Variants in RAB33B observed in about 807,000 individuals in gnomAD.
The protein encoded by RAB33B is RAB33B, member RAS oncogene family.
In RAB33B, 6 loss-of-function variants were observed where a neutral mutation model predicts 15.0. The observed-to-expected ratio is 0.40, with a 90% CI of 0.22 to 0.79. The LOEUF is 0.79. Ranked by LOEUF, RAB33B falls within the 30% of genes least tolerant of loss-of-function variation. The probability of loss-of-function intolerance (pLI) is 0.37; values close to 1 mark genes in which losing one functional copy is unlikely to be tolerated. For missense variants in RAB33B, 257 were observed against 296.4 expected (o/e 0.87, Z 0.98); for synonymous variants, 117 against 108.3 (o/e 1.08, Z -0.50).
chr4:139,446,926 TTGA>T, the RAB33B span, among the ~76,000 whole-genome samples: 2 of 152,198 alleles, frequency 1.3e-5, no homozygotes, highest in South Asian at 4.1e-4. Flanking sequence ...CGATGGCATG[TTGA>T]TGATATTGGA....
rs763510197 is a variant in RAB33B at position 139,472,898 on chromosome 4, T to G, written c.462T>G (p.Ser154Arg). The change falls in exon 2 of 2, where the codon AGT becomes AGG. Residue 154 changes from serine to arginine, a missense_variant. Ser to Arg is a moderately radical substitution (Grantham distance 110). Transcript: ENST00000305626. The part of the protein sequence containing the change: ...ILVGNKCDLR[S>R]AIQVPTDLAQ... The stretch of plus-strand genomic sequence containing the variant: ...TTGGAAATAAATGTGACTTGAGAAG[T>G]GCCATACAGGTACCCACAGACTTGG... The G allele has an allele frequency of 6.2e-7, 1 of 1,614,168 alleles. No homozygotes were observed. The highest frequency in any genetic ancestry group is 1.1e-5 in the South Asian group (1 of 91,086).
At chr4:139,450,402 C>T (rs1490861157), upstream of RAB33B, 1 of 152,200 alleles carries the variant, frequency 6.6e-6, no homozygotes, top group Non-Finnish European at 1.5e-5. Flanking sequence ...AGAAGTAATT[C>T]CCACTATCAA....
At chr4:139,469,568 G>A (rs1421006752) in intron 1 of RAB33B, among the ~76,000 whole-genome samples, 1 of 152,206 alleles carries the variant, frequency 6.6e-6, no homozygotes, top group African/African-American at 2.4e-5. Flanking sequence ...ATATTCTTCT[G>A]TGTATGGACA....
chr4:139,455,586 T>C (rs1266072664), intron 1 of RAB33B, among the ~76,000 whole-genome samples: 1 of 152,220 alleles, frequency 6.6e-6, no homozygotes, highest in Non-Finnish European at 1.5e-5. Context: ...TGCTTCTGTC[T>C]TTTAATTTTT....
Position 139,473,186 on chromosome 4 carries a change from G to C in RAB33B, c.*60G>C. The C allele has an allele frequency of 7.3e-7, 1 of 1,378,974 alleles. No homozygotes were observed. The highest frequency in any genetic ancestry group is 1.5e-5 in the South Asian group (1 of 68,634). 85.4% of individuals were successfully genotyped at this position (1,378,974 alleles called of 1,614,324 possible). A position where few individuals can be genotyped will look rare whatever the true frequency, so the allele number is the denominator to read the frequency against. ...AAAGAAATACTTTTGAAGTATGACA[G>C]TATTAAGTCATAAGATTTAATCTCA... On this transcript the variant is annotated 3_prime_UTR_variant, in exon 2 of 2. Transcript: ENST00000305626.
chr4:139,461,181 T>C (rs116602726), intron 1 of RAB33B, among the ~76,000 whole-genome samples: 1,578 of 152,320 alleles, frequency 0.01, 34 homozygotes, highest in African/African-American at 0.036. Context: ...ACTATGGTAG[T>C]GACAGGGAGT....
rs1027719387 is a variant in RAB33B at position 139,475,954 on chromosome 4, T to C, written c.*2828T>C. The C allele has an allele frequency of 6.6e-6, 1 of 152,078 alleles. No homozygotes were observed. Among genetic ancestry groups the C allele is most frequent in the African/African-American group, 2.4e-5 (1 of 41,396 alleles). The allele number at this position is 152,078 out of a possible 1,614,324, so 9.4% of individuals were successfully genotyped here. On this transcript the variant is annotated 3_prime_UTR_variant, in exon 2 of 2. Transcript: ENST00000305626. Reference sequence around the variant, plus strand: ...TTCTTTGTTTGGTTACTGGGTAGAGTATAAAATAAAACAATCTTTTTTTCC... The same window carrying C: ...TTCTTTGTTTGGTTACTGGGTAGAGCATAAAATAAAACAATCTTTTTTTCC...
intron 1 of RAB33B, among the ~76,000 whole-genome samples, chr4:139,462,006 A>G (rs1331031186): frequency 6.6e-6 from 1 of 151,426 alleles, no homozygotes; most frequent in Non-Finnish European, 1.5e-5. Context: ...ATGGCAACCT[A>G]GCTACTGCTA....
the RAB33B span, among the ~76,000 whole-genome samples, chr4:139,440,933 T>C: frequency 6.6e-6 from 1 of 152,186 alleles, no homozygotes; most frequent in Non-Finnish European, 1.5e-5. Context: ...TTTTTGGTCT[T>C]AAAACAACAT....
chr4:139,467,308 C>CTTTTTTTT (rs70943422), intron 1 of RAB33B, among the ~76,000 whole-genome samples: 10 of 17,620 alleles, frequency 5.7e-4, no homozygotes, highest in African/African-American at 1.1e-3. Flanking sequence ...CCCCCCGCCG[C>CTTTTTTTT]TTTTTTTTTT....
Position 139,472,704 on chromosome 4 carries a change from G to A in RAB33B, c.268G>A (p.Ala90Thr), listed in dbSNP as rs1240788335. 6.2e-7 allele frequency: 1 copy of A among 1,603,548 alleles called. No homozygotes were observed. Among genetic ancestry groups the A allele is most frequent in the Non-Finnish European group, 8.5e-7 (1 of 1,171,410 alleles). The change falls in exon 2 of 2, where the codon GCA (alanine) becomes ACA (threonine). Residue 90 changes from alanine to threonine, a missense_variant. Coordinates refer to ENST00000305626, the MANE Select transcript of RAB33B (RefSeq NM_031296.3). Reference protein sequence around the residue: ...ERIKIQLWDTAGQERFRKSMV... With the variant: ...ERIKIQLWDTTGQERFRKSMV... Reference sequence around the variant, plus strand: ...TTTTTAGATCCAGCTATGGGACACAGCAGGACAAGAACGATTCAGAAAGAG... The same window carrying A: ...TTTTTAGATCCAGCTATGGGACACAACAGGACAAGAACGATTCAGAAAGAG...
intron 1 of RAB33B, among the ~76,000 whole-genome samples, chr4:139,458,418 G>A (rs1750110661): frequency 2.0e-5 from 3 of 152,162 alleles, no homozygotes; most frequent in South Asian, 2.1e-4. Flanking sequence ...ATTAAGCATA[G>A]TACCCAATAG....
upstream of RAB33B, chr4:139,453,667 C>T (rs569800139): frequency 1.3e-5 from 2 of 152,416 alleles, no homozygotes; most frequent in African/African-American, 4.8e-5. Flanking sequence ...ACGCCGGAGC[C>T]GTCGGCTCCG....
chr4:139,470,180 C>T (rs1433496621), intron 1 of RAB33B, among the ~76,000 whole-genome samples: 1 of 152,190 alleles, frequency 6.6e-6, no homozygotes, highest in Non-Finnish European at 1.5e-5. Context: ...AAGTACCTTC[C>T]AGGAGTCAGG....
At chr4:139,456,075 T>C (rs1242857106) in intron 1 of RAB33B, among the ~76,000 whole-genome samples, 6 of 152,226 alleles carry the variant, frequency 3.9e-5, no homozygotes, top group Non-Finnish European at 7.3e-5. Flanking sequence ...TGATACCTTA[T>C]CAGGCTGCTG....
At chr4:139,466,827 A>G (rs6536198) in intron 1 of RAB33B, among the ~76,000 whole-genome samples, 117,706 of 151,774 alleles carry the variant, frequency 0.78, 46,054 homozygotes, top group Admixed American at 0.85. Flanking sequence ...TAATCTGCCC[A>G]CCTCGGCCTC....
At chr4:139,465,631 AT>A (rs1273751103) in intron 1 of RAB33B, among the ~76,000 whole-genome samples, 1 of 152,144 alleles carries the variant, frequency 6.6e-6, no homozygotes, top group Non-Finnish European at 1.5e-5. Context: ...TCCCAGCACC[AT>A]TTATTAAATA....
At chr4:139,443,527 G>C in the RAB33B span, among the ~76,000 whole-genome samples, 1 of 152,156 alleles carries the variant, frequency 6.6e-6, no homozygotes, top group Admixed American at 6.5e-5. Context: ...ATCTAAGACT[G>C]TCCTAAGTGA....
chr4:139,442,241 C>T, the RAB33B span, among the ~76,000 whole-genome samples: 2 of 152,276 alleles, frequency 1.3e-5, no homozygotes, highest in African/African-American at 2.4e-5. Context: ...AAGGCAACTT[C>T]TCTATCTGCA....
Sources: allele counts gnomAD v4.1 joint callset (sites outside exome capture counted in the v4.1 genomes callset), GRCh38; gene constraint gnomAD v4.1.1; transcripts MANE v1.5; gene names NCBI Gene and HGNC (gene_info 2026-07-23, HGNC 2026-07-21).